Variants in FMN2 observed in about 807,000 individuals in gnomAD.
FMN2 encodes the protein formin-2.
In FMN2, 51 loss-of-function variants were observed where a neutral mutation model predicts 142.3. The observed-to-expected ratio is 0.36, with a 90% CI of 0.29 to 0.45. FMN2 has a LOEUF of 0.45. Ranked by LOEUF, FMN2 falls within the 20% of genes least tolerant of loss-of-function variation. FMN2 has a pLI of 1.00. For missense variants in FMN2, 1,936 were observed against 2,122.8 expected (o/e 0.91, Z 1.73); for synonymous variants, 882 against 869.8 (o/e 1.01, Z -0.25).
At chr1:240,318,232 T>C (rs531109949) in intron 8 of FMN2, among the ~76,000 whole-genome samples, 32 of 152,122 alleles carry the variant, frequency 2.1e-4, no homozygotes, top group Non-Finnish European at 3.5e-4. Context: ...TCATACCCAC[T>C]TGCTCCACTT....
intron 2 of FMN2, chr1:240,144,211 C>T: frequency 6.6e-7 from 1 of 1,526,060 alleles, no homozygotes; most frequent in Non-Finnish European, 9.1e-7. Context: ...TCGTTAGCAG[C>T]TTGTCTTAAA....
chr1:240,103,355 A>C (rs905889328), intron 1 of FMN2, among the ~76,000 whole-genome samples: 4 of 152,122 alleles, frequency 2.6e-5, no homozygotes, highest in African/African-American at 9.7e-5. Context: ...TTTGTCAGTT[A>C]CCAATAGACT....
intron 16 of FMN2, among the ~76,000 whole-genome samples, chr1:240,459,988 T>A (rs1558119153): frequency 6.6e-6 from 1 of 152,126 alleles, no homozygotes. Flanking sequence ...ATTTTCAGAT[T>A]TATACTGACT....
chr1:240,148,307 GAGAGAC>G (rs1663586212), intron 2 of FMN2, among the ~76,000 whole-genome samples: 1 of 137,356 alleles, frequency 7.3e-6, no homozygotes, highest in Non-Finnish European at 1.6e-5. Flanking sequence ...GACAGAGAGA[GAGAGAC>G]AGACAGAAAC....
chr1:240,118,065 A>G (rs952049634), intron 1 of FMN2, among the ~76,000 whole-genome samples: 1 of 152,140 alleles, frequency 6.6e-6, no homozygotes, highest in Non-Finnish European at 1.5e-5. Context: ...TTCTAGTGCA[A>G]AAGTCTTCAT....
intron 16 of FMN2, among the ~76,000 whole-genome samples, chr1:240,451,663 G>A (rs982762198): frequency 5.3e-5 from 8 of 152,030 alleles, no homozygotes; most frequent in African/African-American, 1.9e-4. Flanking sequence ...CACTAACTTA[G>A]GAGTCACTGG....
At chr1:240,210,959 T>C (rs899319782) in intron 5 of FMN2, 132 bp from the exon 6 acceptor site, 3 of 726,162 alleles carry the variant, frequency 4.1e-6, no homozygotes, top group South Asian at 4.7e-5. Flanking sequence ...ATTTTTTCCT[T>C]CTTATCTCTC....
chr1:240,434,555 G>GTTTT (rs57596533), intron 15 of FMN2, among the ~76,000 whole-genome samples: 17 of 148,176 alleles, frequency 1.1e-4, no homozygotes, highest in Non-Finnish European at 2.5e-4. Flanking sequence ...TTTGTTTTTT[G>GTTTT]TTTTTTTTTG....
intron 4 of FMN2, among the ~76,000 whole-genome samples, chr1:240,203,284 T>G (rs140666750): frequency 6.6e-6 from 1 of 152,286 alleles, no homozygotes; most frequent in African/African-American, 2.4e-5. Context: ...AGAAATAGCA[T>G]TTGACCCAGC....
At chr1:240,437,665 A>G (rs541556429) in intron 15 of FMN2, among the ~76,000 whole-genome samples, 5 of 152,272 alleles carry the variant, frequency 3.3e-5, no homozygotes, top group Non-Finnish European at 4.4e-5. Flanking sequence ...GCAATATAAT[A>G]TAGATATGGA....
chr1:240,202,721 CG>C (rs1428856955), intron 4 of FMN2, among the ~76,000 whole-genome samples: 1 of 152,098 alleles, frequency 6.6e-6, no homozygotes, highest in African/African-American at 2.4e-5. Context: ...ACTTCAGCCT[CG>C]GAAAGTGCTG....
chr1:240,429,989 C>T (rs188093299), intron 15 of FMN2, among the ~76,000 whole-genome samples: 346 of 151,770 alleles, frequency 2.3e-3, no homozygotes, highest in Middle Eastern at 3.4e-3. Context: ...GGGTCCACGC[C>T]ATTCTCCTGC....
intron 8 of FMN2, among the ~76,000 whole-genome samples, chr1:240,311,914 C>G (rs1428313623): frequency 6.6e-6 from 1 of 152,198 alleles, no homozygotes; most frequent in East Asian, 1.9e-4. Context: ...CAGCCTTGAA[C>G]TGCTGAACTC....
chr1:240,439,723 A>G (rs776242550), intron 16 of FMN2, among the ~76,000 whole-genome samples: 1 of 152,232 alleles, frequency 6.6e-6, no homozygotes, highest in African/African-American at 2.4e-5. Context: ...TTGCTTAAAA[A>G]TAAGCGTATG....
chr1:240,268,670 A>G (rs1451439071), intron 7 of FMN2, among the ~76,000 whole-genome samples: 1 of 151,992 alleles, frequency 6.6e-6, no homozygotes, highest in East Asian at 1.9e-4. Context: ...ATTTTTCCTG[A>G]TAGTTAAACT....
In FMN2 at chr1:240,379,674, T is replaced by G. The variant is rs1257562126; in HGVS notation, c.4859-12837T>G. On this transcript the variant is annotated intron_variant, in intron 14 of 17. Coordinates refer to ENST00000319653, the MANE Select transcript of FMN2 (RefSeq NM_020066.5). ...TATTTTTCAGTATATGAAAACAGTT[T>G]CATATATTAAATACATTTTTCTAGT... Among the ~76,000 whole-genome samples, 3 of 152,172 alleles carry G rather than the reference T, an allele frequency of 2.0e-5. No homozygotes were observed. The East Asian group carries it at 5.8e-4, about 29-fold the overall frequency.
At chr1:240,140,237 C>A (rs1381197192) in intron 2 of FMN2, among the ~76,000 whole-genome samples, 3 of 152,088 alleles carry the variant, frequency 2.0e-5, no homozygotes, top group Non-Finnish European at 4.4e-5. Context: ...AAACTGTTTT[C>A]AGTATTTAAA....
chr1:240,210,488 C>T (rs1387557364), intron 5 of FMN2, among the ~76,000 whole-genome samples: 1 of 152,164 alleles, frequency 6.6e-6, no homozygotes, highest in Admixed American at 6.5e-5. Context: ...TGTTACCACG[C>T]CACTTATGTA....
chr1:240,437,596 C>T (rs576183301), intron 15 of FMN2, among the ~76,000 whole-genome samples: 47 of 152,258 alleles, frequency 3.1e-4, no homozygotes, highest in African/African-American at 7.5e-4. Context: ...GCCACCGCGC[C>T]GGGCTGGGAC....
Sources: allele counts gnomAD v4.1 joint callset (sites outside exome capture counted in the v4.1 genomes callset), GRCh38; gene constraint gnomAD v4.1.1; transcripts MANE v1.5; gene names NCBI Gene and HGNC (gene_info 2026-07-23, HGNC 2026-07-21).